Variants in FAAP20 observed in about 807,000 individuals in gnomAD.
The protein encoded by FAAP20 is FA core complex associated protein 20.
A neutral mutation model predicts 16.2 loss-of-function variants in FAAP20; 12 were observed. The observed-to-expected ratio is 0.74, with a 90% CI of 0.48 to 1.20. FAAP20 has a LOEUF of 1.20. Ranked by LOEUF, FAAP20 falls within the 50% of genes most tolerant of loss-of-function variation. The probability of loss-of-function intolerance (pLI) is 0.00; values close to 1 mark genes in which losing one functional copy is unlikely to be tolerated. For synonymous variants in FAAP20, 141 were observed against 110.7 expected, an observed-to-expected ratio of 1.27 and a Z score of -1.72; for missense variants, 288 against 245.8, an observed-to-expected ratio of 1.17 and a Z score of -1.15.
intron 3 of FAAP20, among the ~76,000 whole-genome samples, chr1:2,205,414 G>C (rs567457861): frequency 6.7e-6 from 1 of 150,104 alleles, no homozygotes; most frequent in African/African-American, 2.5e-5. Flanking sequence ...CCCGCGAGGG[G>C]AGCCTGTCCC....
downstream of FAAP20, chr1:2,185,267 C>T (rs1458708082): frequency 2.2e-5 from 16 of 715,746 alleles, no homozygotes; most frequent in East Asian, 1.3e-4. Flanking sequence ...GGGACCCTGC[C>T]GAGGGGGCTG....
At chr1:2,190,286 G>A in intron 3 of FAAP20, 1 of 456,556 alleles carries the variant, frequency 2.2e-6, no homozygotes, top group South Asian at 1.5e-5. Context: ...GAAGGACGCC[G>A]TCACCGGCGT....
intron 3 of FAAP20, among the ~76,000 whole-genome samples, chr1:2,205,370 C>T (rs1470174238): frequency 6.8e-6 from 1 of 147,870 alleles, no homozygotes; most frequent in Non-Finnish European, 1.5e-5. Flanking sequence ...GCTGTGTCCT[C>T]GGCGCCCAGC....
At chr1:2,193,216 A>C in intron 3 of FAAP20, 1 of 316,040 alleles carries the variant, frequency 3.2e-6, no homozygotes, top group South Asian at 3.0e-5. Context: ...AAAATACATA[A>C]AAATATACGT....
downstream of FAAP20, chr1:2,184,895 C>G: frequency 6.3e-7 from 1 of 1,597,712 alleles, no homozygotes. Flanking sequence ...CGGTCACCCC[C>G]CTCCCCCCTG....
chr1:2,200,844 A>C, upstream of FAAP20: 1 of 1,053,994 alleles, frequency 9.5e-7, no homozygotes, highest in Non-Finnish European at 1.2e-6. Flanking sequence ...AGGTCCTCCA[A>C]GTGGGCCAGG....
At chr1:2,205,770 C>T (rs1689236545) in intron 3 of FAAP20, among the ~76,000 whole-genome samples, 1 of 152,258 alleles carries the variant, frequency 6.6e-6, no homozygotes, top group South Asian at 2.1e-4. Flanking sequence ...GCTGAGCCGC[C>T]CTCCTCCCAT....
At chr1:2,185,933 A>C, downstream of FAAP20, 1 of 330,292 alleles carries the variant, frequency 3.0e-6, no homozygotes, top group Non-Finnish European at 5.9e-6. Flanking sequence ...ACACCCAGAA[A>C]CACAGGCACT....
chr1:2,189,542 C>A, downstream of FAAP20: 1 of 639,148 alleles, frequency 1.6e-6, no homozygotes, highest in East Asian at 2.7e-5. Context: ...AGAAAAGCGG[C>A]AGACGTTTCA....
chr1:2,188,265 AGGCAGACGGT>A (rs573605323), downstream of FAAP20, among the ~76,000 whole-genome samples: 50 of 152,352 alleles, frequency 3.3e-4, no homozygotes, highest in African/African-American at 1.1e-3. Flanking sequence ...CTGTGAGCCC[AGGCAGACGGT>A]GGCTGACGGA....
At chr1:2,200,795 G>T, upstream of FAAP20, 1 of 1,006,784 alleles carries the variant, frequency 9.9e-7, no homozygotes, top group Non-Finnish European at 1.2e-6. Flanking sequence ...GCTCCCCCAT[G>T]GGCCAAGAGC....
intron 3 of FAAP20, chr1:2,190,279 G>C: frequency 2.2e-6 from 1 of 456,716 alleles, no homozygotes; most frequent in Non-Finnish European, 4.4e-6. Context: ...CCACGGAGAA[G>C]GACGCCGTCA....
upstream of FAAP20, chr1:2,199,387 G>A: frequency 2.0e-6 from 2 of 1,020,806 alleles, no homozygotes; most frequent in Non-Finnish European, 2.4e-6. This position sits in a 1 kb window ranked among gnomAD's most constrained non-coding sequence, Gnocchi z 4.5. Flanking sequence ...GCCCGGAGAA[G>A]CTTCCCCAGC....
At chr1:2,185,133 G>A, downstream of FAAP20, 2 of 938,938 alleles carry the variant, frequency 2.1e-6, no homozygotes, top group Non-Finnish European at 3.3e-6. Flanking sequence ...CTTGCGCCGA[G>A]ACCGCAGAGG....
downstream of FAAP20, among the ~76,000 whole-genome samples, chr1:2,189,186 C>A (rs2503700): frequency 0.76 from 114,836 of 151,158 alleles, 44,454 homozygotes; most frequent in East Asian, 0.95. Flanking sequence ...TACTAAAAGT[C>A]GCTGGGTGTG....
At chr1:2,185,475 G>GACT (rs1466573777), downstream of FAAP20, 1 of 718,440 alleles carries the variant, frequency 1.4e-6, no homozygotes, top group Admixed American at 2.0e-5. Context: ...GGCAGCTTAG[G>GACT]AGCCAGCGGG....
At chr1:2,186,553 A>G (rs1404374627), downstream of FAAP20, among the ~76,000 whole-genome samples, 1 of 131,674 alleles carries the variant, frequency 7.6e-6, no homozygotes, top group Admixed American at 9.0e-5. Flanking sequence ...TTTCAGCCAC[A>G]CTCCCAACCT....
intron 3 of FAAP20, among the ~76,000 whole-genome samples, chr1:2,205,958 G>A (rs1294285848): frequency 6.6e-6 from 1 of 152,278 alleles, no homozygotes; most frequent in Non-Finnish European, 1.5e-5. Context: ...TCTGAGAGCC[G>A]AGCTCTCGGC....
intron 3 of FAAP20, chr1:2,192,882 G>T (rs1421214715): frequency 1.5e-6 from 2 of 1,299,706 alleles, no homozygotes; most frequent in African/African-American, 3.0e-5. Context: ...TTACAGGCGT[G>T]AGCCACCGTG....
Sources: allele counts gnomAD v4.1 joint callset (sites outside exome capture counted in the v4.1 genomes callset), GRCh38; gene constraint gnomAD v4.1.1; non-coding constraint Gnocchi (gnomAD v3.1); transcripts MANE v1.5; gene names NCBI Gene and HGNC (gene_info 2026-07-23, HGNC 2026-07-21).